The following LPA variants were observed in gnomAD, a reference collection of about 807,000 sequenced individuals.
The protein encoded by LPA is apolipoprotein(a).
Under a neutral mutation model 197.9 loss-of-function variants are expected in LPA, and 199 were observed. That is an observed-to-expected ratio of 1.01 (90% confidence interval 0.90 to 1.13). The LOEUF (loss-of-function observed/expected upper bound fraction) is 1.13, where lower values mean the gene tolerates loss of function less well. LPA is among the 50% of genes most tolerant of loss of function. LPA has a pLI of 0.00. For synonymous variants in LPA, 715 were observed against 639.5 expected (o/e 1.12, Z -1.78); for missense variants, 1,853 against 1,785.8 (o/e 1.04, Z -0.68).
intron 18 of LPA, among the ~76,000 whole-genome samples, chr6:160,603,233 G>GGTGT (rs72482597): frequency 0.083 from 11,985 of 144,782 alleles, 1,496 homozygotes; most frequent in African/African-American, 0.28. Context: ...TATTTGTGGA[G>GGTGT]GTGTGTGTGT....
At chr6:160,599,776 T>C in intron 19 of LPA, 117 bp from the exon 20 acceptor site, 1 of 1,122,674 alleles carries the variant, frequency 8.9e-7, no homozygotes, top group South Asian at 1.3e-5. Context: ...TTCTCTATTC[T>C]TTATTAATAG....
intron 16 of LPA, among the ~76,000 whole-genome samples, chr6:160,609,043 T>C (rs766006456): frequency 2.0e-5 from 3 of 152,268 alleles, no homozygotes; most frequent in Non-Finnish European, 4.4e-5. Context: ...GTCAATACTG[T>C]TACTTTCTTT....
chr6:160,647,945 T>C (rs899318978), intron 2 of LPA, among the ~76,000 whole-genome samples: 5 of 152,240 alleles, frequency 3.3e-5, no homozygotes, highest in Non-Finnish European at 4.4e-5. Flanking sequence ...AGTTCCCTTC[T>C]TGTTCTATTC....
At chr6:160,606,710 G>A (rs745386938) in intron 16 of LPA, 52 bp from the exon 17 acceptor site, 6 of 1,597,748 alleles carry the variant, frequency 3.8e-6, no homozygotes, top group Non-Finnish European at 4.3e-6. Context: ...ATATGCAGGG[G>A]CACCCCACAC....
chr6:160,599,816 A>C (rs1178506302), intron 19 of LPA, among the ~76,000 whole-genome samples, 157 bp from the exon 20 acceptor site: 1 of 152,222 alleles, frequency 6.6e-6, no homozygotes, highest in Non-Finnish European at 1.5e-5. Context: ...CACACAAACA[A>C]ACACGAAAGT....
chr6:160,609,270 G>A (rs1423064982), intron 16 of LPA, among the ~76,000 whole-genome samples: 1 of 151,952 alleles, frequency 6.6e-6, no homozygotes, highest in Admixed American at 6.6e-5. Context: ...ATCCAACATG[G>A]ATGATCTTCA....
intron 23 of LPA, among the ~76,000 whole-genome samples, chr6:160,589,913 T>C (rs1365602713): frequency 1.3e-5 from 2 of 152,164 alleles, no homozygotes; most frequent in Non-Finnish European, 2.9e-5. Context: ...TTTAGAAAGA[T>C]TTTCTTTAAA....
intron 20 of LPA, among the ~76,000 whole-genome samples, chr6:160,597,862 C>T (rs993024857): frequency 1.3e-5 from 2 of 152,216 alleles, no homozygotes; most frequent in Admixed American, 1.3e-4. Flanking sequence ...TTAGGACTCA[C>T]ACTGTGGATA....
chr6:160,571,423 T>C (rs1288596485), intron 28 of LPA, among the ~76,000 whole-genome samples: 1 of 152,176 alleles, frequency 6.6e-6, no homozygotes, highest in Non-Finnish European at 1.5e-5. Flanking sequence ...GATCTGGTGC[T>C]CTTTTCAGAG....
At chr6:160,566,754 G>A (rs557455177) in intron 28 of LPA, among the ~76,000 whole-genome samples, 14 of 152,202 alleles carry the variant, frequency 9.2e-5, no homozygotes, top group Admixed American at 5.2e-4. Flanking sequence ...CACATCTCAC[G>A]TGCAGAGACA....
rs1455094438 is a variant in LPA at position 160,605,273 on chromosome 6, T to C, written c.2786-68A>G. 3.2e-6 allele frequency: 5 copies of C among 1,578,490 alleles called. No homozygotes were observed. The African/African-American group carries it at 4.0e-5, about 13-fold the overall frequency. ...AGAGACAAACATGTGAAGCCACTTA[T>C]GGCACAAACCAGAAAAAAGTCTCTG... On this transcript the variant is annotated intron_variant, in intron 17 of 38. Coordinates refer to ENST00000316300, the MANE Select transcript of LPA (RefSeq NM_005577.4).
At chr6:160,579,080 A>C (rs1778741170) in intron 26 of LPA, among the ~76,000 whole-genome samples, 1 of 152,134 alleles carries the variant, frequency 6.6e-6, no homozygotes, top group African/African-American at 2.4e-5. Context: ...ACATACAAAG[A>C]TATCTCTGTC....
chr6:160,595,207 G>T (rs983703030), intron 21 of LPA, 147 bp downstream of exon 21: 2 of 972,074 alleles, frequency 2.1e-6, no homozygotes, highest in Admixed American at 1.9e-5. Flanking sequence ...CAGAGAAGGC[G>T]CTGAGTGTTC....
intron 1 of LPA, among the ~76,000 whole-genome samples, chr6:160,651,089 C>A (rs189505420): frequency 6.6e-5 from 10 of 152,306 alleles, no homozygotes; most frequent in Admixed American, 6.5e-4. Flanking sequence ...TGCAACATAG[C>A]AGACGTCTGC....
At chr6:160,603,908 G>A (rs1261702152) in intron 18 of LPA, among the ~76,000 whole-genome samples, 2 of 152,070 alleles carry the variant, frequency 1.3e-5, no homozygotes, top group Non-Finnish European at 2.9e-5. Flanking sequence ...GTATTCCCAA[G>A]AGGTTCAGTG....
rs572607001 is a variant in LPA, at chr6:160,557,983, A to C, written c.4632-412T>G. Among the ~76,000 whole-genome samples the C allele has an allele frequency of 6.6e-5, 10 of 150,942 alleles. 1 individual carries two copies. In the South Asian group the frequency reaches 2.1e-3, roughly 32 times the overall value. ...CGCCCAGACTGGAGTGCAGTGGCGC[A>C]ATCTCGGCTCACTGCAAGGTCTGCC... is the stretch of plus-strand genomic sequence containing the variant. On this transcript the variant is annotated intron_variant, in intron 28 of 38. Coordinates refer to ENST00000316300, the MANE Select transcript of LPA (RefSeq NM_005577.4).
rs563806904 is a variant in LPA at position 160,559,964 on chromosome 6, T to C, written c.4632-2393A>G. On this transcript the variant is annotated intron_variant, in intron 28 of 38. Transcript: ENST00000316300. ...TAGCCTCAACTCCCCAACAGGCCCC[T>C]GTGTGTGATGTTCCCCTTCCTGTGT... 1.8e-4 allele frequency among the ~76,000 whole-genome samples: 28 copies of C among 152,254 alleles called. No homozygotes were observed. The South Asian group carries it at 3.7e-3, about 20-fold the overall frequency.
intron 30 of LPA, among the ~76,000 whole-genome samples, chr6:160,553,937 C>G (rs59345315): frequency 0.079 from 10,932 of 138,964 alleles, 1,387 homozygotes; most frequent in African/African-American, 0.26. Context: ...CTCTCTCTCT[C>G]TGTGTGTGTG....
chr6:160,600,877 C>T (rs1344978090), intron 19 of LPA, 40 bp downstream of exon 19: 2 of 1,607,336 alleles, frequency 1.2e-6, no homozygotes, highest in East Asian at 2.2e-5. Flanking sequence ...GCTTTTCATC[C>T]CAGCATCCAA....
Sources: allele counts gnomAD v4.1 joint callset (sites outside exome capture counted in the v4.1 genomes callset), GRCh38; gene constraint gnomAD v4.1.1; transcripts MANE v1.5; gene names NCBI Gene and HGNC (gene_info 2026-07-23, HGNC 2026-07-21).